Variants in AHCTF1 observed in about 807,000 individuals in gnomAD.
AHCTF1 encodes AT-hook containing transcription factor 1.
In AHCTF1, 24 loss-of-function variants were observed where a neutral mutation model predicts 248.4. The observed-to-expected ratio is 0.10, with a 90% CI of 0.07 to 0.14. AHCTF1 has a LOEUF of 0.14. AHCTF1 is among the 10% of genes least tolerant of loss of function. The probability of loss-of-function intolerance (pLI) is 1.00; values close to 1 mark genes in which losing one functional copy is unlikely to be tolerated. For missense variants in AHCTF1, 2,206 were observed against 2,636.2 expected (o/e 0.84, Z 3.57); for synonymous variants, 786 against 929.8 (o/e 0.85, Z 2.81).
At chr1:246,868,342 A>G (rs1662180168) in intron 24 of AHCTF1, among the ~76,000 whole-genome samples, 2 of 146,150 alleles carry the variant, frequency 1.4e-5, no homozygotes, top group African/African-American at 2.8e-5. Flanking sequence ...GCTGGTCTTG[A>G]ACTCCTGACC....
chr1:246,890,254 A>G (rs978117933), intron 16 of AHCTF1, among the ~76,000 whole-genome samples, 195 bp from the exon 17 acceptor site: 2 of 152,230 alleles, frequency 1.3e-5, no homozygotes, highest in African/African-American at 2.4e-5. Flanking sequence ...ATCTGTCATG[A>G]AAGTCTAACT....
chr1:246,920,004 G>A (rs187607280), intron 1 of AHCTF1, among the ~76,000 whole-genome samples: 3 of 151,408 alleles, frequency 2.0e-5, no homozygotes, highest in Middle Eastern at 3.4e-3. Flanking sequence ...TTAGCCGGGC[G>A]TGGAGGCATA....
At position 246,853,019 on chromosome 1, in the gene AHCTF1, A is replaced by T. The variant is rs1660828707; in HGVS notation, c.4563+72T>A. On this transcript the variant is annotated intron_variant, in intron 32 of 35. Transcript: ENST00000648844. ...AAATAAATGAACGTGTTAGATTTGA[A>T]CTACTGTGTCTTGAAACAACTAAAC... 2.7e-6 allele frequency: 3 copies of T among 1,121,742 alleles called. No individual in the cohort carries two copies. In the East Asian group the frequency reaches 7.7e-5, roughly 29 times the overall value. 69.5% of individuals were successfully genotyped at this position (1,121,742 alleles called of 1,614,324 possible).
At chr1:246,897,543 G>A (rs182467447) in intron 12 of AHCTF1, among the ~76,000 whole-genome samples, 1 of 152,274 alleles carries the variant, frequency 6.6e-6, no homozygotes, top group Admixed American at 6.5e-5. Flanking sequence ...AACTTAGATG[G>A]TGTAGTCAAC....
intron 21 of AHCTF1, among the ~76,000 whole-genome samples, chr1:246,882,108 C>T (rs1663485625): frequency 6.6e-6 from 1 of 151,784 alleles, no homozygotes; most frequent in Non-Finnish European, 1.5e-5. Context: ...CGCCATTCTC[C>T]TGCCTCAGCC....
At chr1:246,887,150 T>C (rs1663873313) in intron 20 of AHCTF1, 61 bp downstream of exon 20, 2 of 1,521,506 alleles carry the variant, frequency 1.3e-6, no homozygotes, top group Non-Finnish European at 1.8e-6. Flanking sequence ...ATTTAAATTA[T>C]GTGTATTTTC....
intron 1 of AHCTF1, among the ~76,000 whole-genome samples, chr1:246,925,170 C>A: frequency 6.6e-6 from 1 of 152,156 alleles, no homozygotes; most frequent in East Asian, 1.9e-4. Context: ...AGAACCAAAA[C>A]CTTCAGAATT....
chr1:246,853,388 G>A (rs1005747158), intron 31 of AHCTF1, 89 bp from the exon 32 acceptor site: 2 of 1,019,652 alleles, frequency 2.0e-6, no homozygotes, highest in East Asian at 2.6e-5. Context: ...AGGCTACACT[G>A]CACTTGAATA....
rs1415473672 is a variant in AHCTF1, at chr1:246,849,931, T to A, written c.6075A>T (p.Pro2025=). ...AKSENVDVGK[P]ALGKSILVPN... ...GCACTAAAATGGATTTTCCTAAAGC[T>A]GGTTTTCCAACATCAACATTTTCAC... Residue 2025 remains proline, a synonymous_variant, in exon 33 of 36, where the codon CCA becomes CCT. Transcript: ENST00000648844. The A allele has an allele frequency of 6.2e-7, 1 of 1,613,914 alleles. No individual in the cohort carries two copies. The highest frequency in any genetic ancestry group is 2.2e-5 in the East Asian group (1 of 44,900).
At chr1:246,895,682 GC>G (rs1664524145) in intron 13 of AHCTF1, among the ~76,000 whole-genome samples, 152 bp downstream of exon 13, 1 of 152,150 alleles carries the variant, frequency 6.6e-6, no homozygotes, top group African/African-American at 2.4e-5. Context: ...GGGCAAACGT[GC>G]TAAAGGGGGT....
chr1:246,855,468 C>T (rs867927613), intron 31 of AHCTF1, among the ~76,000 whole-genome samples: 1 of 152,102 alleles, frequency 6.6e-6, no homozygotes, highest in African/African-American at 2.4e-5. Flanking sequence ...GAAGATCAAA[C>T]GGCAGGGATG....
chr1:246,848,786 G>A (rs964021390), intron 33 of AHCTF1, among the ~76,000 whole-genome samples: 3 of 151,962 alleles, frequency 2.0e-5, no homozygotes, highest in African/African-American at 7.2e-5. Flanking sequence ...GGGGGCACAT[G>A]TTGCAGTGAG....
At chr1:246,869,683 A>G (rs1236307340) in intron 24 of AHCTF1, among the ~76,000 whole-genome samples, 1 of 151,990 alleles carries the variant, frequency 6.6e-6, no homozygotes, top group Non-Finnish European at 1.5e-5. Context: ...TTTACCGAAT[A>G]TTTTAAGCCT....
intron 24 of AHCTF1, among the ~76,000 whole-genome samples, chr1:246,874,263 T>C (rs929389960): frequency 2.6e-5 from 4 of 152,144 alleles, no homozygotes; most frequent in Non-Finnish European, 5.9e-5. Context: ...TCTGTCTCCC[T>C]TGCATAAAGA....
intron 24 of AHCTF1, among the ~76,000 whole-genome samples, chr1:246,873,082 C>T (rs557833335): frequency 1.3e-5 from 2 of 152,288 alleles, no homozygotes; most frequent in East Asian, 1.9e-4. Flanking sequence ...TCAGATCAGG[C>T]GCTACTAGGT....
At chr1:246,841,528 ACT>A in intron 35 of AHCTF1, among the ~76,000 whole-genome samples, 2 of 152,352 alleles carry the variant, frequency 1.3e-5, no homozygotes, top group South Asian at 4.1e-4. Context: ...AACCATGCCT[ACT>A]AAGCACAGCA....
chr1:246,896,033 T>C (rs1276286625), intron 12 of AHCTF1, 108 bp from the exon 13 acceptor site: 1 of 804,330 alleles, frequency 1.2e-6, no homozygotes, highest in Non-Finnish European at 2.0e-6. Context: ...AAAATCAGTA[T>C]GACCCATAAG....
chr1:246,914,834 C>T (rs572934926), intron 3 of AHCTF1, among the ~76,000 whole-genome samples: 1 of 152,296 alleles, frequency 6.6e-6, no homozygotes, highest in Admixed American at 6.5e-5. Flanking sequence ...CTCAATTCCT[C>T]ATCCAAATGA....
chr1:246,929,879 C>T (rs184999493), intron 1 of AHCTF1, among the ~76,000 whole-genome samples: 7 of 152,246 alleles, frequency 4.6e-5, no homozygotes, highest in South Asian at 4.1e-4. Flanking sequence ...TGGTGAAACC[C>T]CGTCTCTACT....
Sources: allele counts gnomAD v4.1 joint callset (sites outside exome capture counted in the v4.1 genomes callset), GRCh38; gene constraint gnomAD v4.1.1; transcripts MANE v1.5; gene names NCBI Gene and HGNC (gene_info 2026-07-23, HGNC 2026-07-21).